The following CARD9 variants were observed in gnomAD, a reference collection of about 807,000 sequenced individuals.
CARD9 encodes the protein caspase recruitment domain-containing protein 9.
Under a neutral mutation model 66.0 loss-of-function variants are expected in CARD9, and 53 were observed. The observed-to-expected ratio is 0.80, with a 90% confidence interval of 0.64 to 1.01. The LOEUF (loss-of-function observed/expected upper bound fraction) is 1.01. Among genes scored for constraint, CARD9 ranks in the 50% least tolerant of loss-of-function variants. The pLI, the probability that CARD9 is intolerant of heterozygous loss-of-function variation, is 0.00. For synonymous variants in CARD9, 387 were observed against 313.8 expected (o/e 1.23, Z -2.47); for missense variants, 769 against 743.2 (o/e 1.03, Z -0.40).
chr9:136,365,384 T>C (rs1833098991), intron 10 of CARD9, 167 bp from the exon 11 acceptor site: 1 of 637,120 alleles, frequency 1.6e-6, no homozygotes, highest in Admixed American at 2.5e-5. Flanking sequence ...GACTGAGGCC[T>C]TATGGCCTCG....
Position 136,363,981 on chromosome 9 carries a change from A to G in CARD9, c.*321T>C, listed in dbSNP as rs1235648720. 1 of 1,174,462 alleles carries G rather than the reference A, an allele frequency of 8.5e-7. No individual in the cohort carries two copies. 72.8% of individuals were successfully genotyped at this position (1,174,462 alleles called of 1,614,324 possible). Reference sequence around the variant, plus strand: ...TGCGGGTCACCCGTGCTGTTTATTTACGCAGCTGTGTTTTCTAACACTAAT... The same window carrying G: ...TGCGGGTCACCCGTGCTGTTTATTTGCGCAGCTGTGTTTTCTAACACTAAT... On this transcript the variant is annotated 3_prime_UTR_variant, in exon 13 of 13. Transcript: ENST00000371732.
rs150234370 is a variant in CARD9 at position 136,370,331 on chromosome 9, C to T, written c.914G>A (p.Arg305His). 106 of 1,608,584 alleles carry T rather than the reference C, an allele frequency of 6.6e-5. 1 individual carries two copies. The highest frequency in any genetic ancestry group is 1.5e-4 in the South Asian group (14 of 90,620). The change falls in exon 6 of 13, where the codon CGC (arginine) becomes CAC (histidine). Residue 305 changes from arginine to histidine, a missense_variant. By Grantham distance (29) the Arg-to-His change is conservative. Transcript: ENST00000371732. The part of the protein sequence containing the change: ...QEQANTIFSL[R>H]KDLRQGEARR... ...GGCCTCGCCCTGGCGGAGGTCCTTG[C>T]GCAGGGAGAAGATGGTGTTGGCCTG... is the stretch of plus-strand genomic sequence containing the variant.
intron 11 of CARD9, 35 bp from the exon 12 acceptor site, chr9:136,364,594 T>C: frequency 6.5e-7 from 1 of 1,528,282 alleles, no homozygotes; most frequent in Non-Finnish European, 8.8e-7. Flanking sequence ...TCCGGCCGGC[T>C]CCCCTGAGGG....
At chr9:136,364,775 C>T (rs1429993599) in intron 11 of CARD9, 1 of 611,116 alleles carries the variant, frequency 1.6e-6, no homozygotes, top group African/African-American at 1.9e-5. Context: ...AAGACACACC[C>T]AGGAGGCCAA....
Position 136,364,161 on chromosome 9 carries a change from G to GTGA in CARD9, c.*140_*141insTCA. 1 of 1,550,534 alleles carries GTGA rather than the reference G, an allele frequency of 6.4e-7. No homozygotes were observed. The highest frequency in any genetic ancestry group is 8.7e-7 in the Non-Finnish European group (1 of 1,146,854). On this transcript the variant is annotated 3_prime_UTR_variant, in exon 13 of 13. Transcript: ENST00000371732. Reference sequence around the variant, plus strand: ...CCCCAATGCCCGGCAGTCCGGCTGGGCCTTTCAGGGCACCAGATTCCTCGT... The same window carrying GTGA: ...CCCCAATGCCCGGCAGTCCGGCTGGGTGACCTTTCAGGGCACCAGATTCCTCGT...
intron 2 of CARD9, 60 bp from the exon 3 acceptor site, chr9:136,371,521 GGT>G: frequency 6.8e-7 from 1 of 1,479,760 alleles, no homozygotes; most frequent in Non-Finnish European, 9.2e-7. Context: ...GGCTGGGGTG[GGT>G]GGGCCTGGGG....
At position 136,370,276 on chromosome 9, in the gene CARD9, C is replaced by G; in HGVS notation, c.951+18G>C. ...GGCTTGGACCCCAGGGGCCATGTCT[C>G]CCCGCCTGCCCTCCTACCCGGAGGC... On this transcript the variant is annotated intron_variant, in intron 6 of 12. Transcript: ENST00000371732. 6.3e-7 allele frequency: 1 copy of G among 1,591,054 alleles called. No individual in the cohort carries two copies. The highest frequency in any genetic ancestry group is 1.1e-5 in the South Asian group (1 of 89,654).
chr9:136,364,620 C>A, intron 11 of CARD9, 61 bp from the exon 12 acceptor site: 3 of 1,488,466 alleles, frequency 2.0e-6, no homozygotes, highest in Non-Finnish European at 2.7e-6. Flanking sequence ...GTCCTTCTCA[C>A]CCGCCCCCCA....
Position 136,367,702 on chromosome 9 carries a change from A to G in CARD9, c.1204T>C (p.Cys402Arg), listed in dbSNP as rs773952828. Residue 402 changes from cysteine to arginine, a missense_variant, in exon 8 of 13, where the codon TGT (cysteine) becomes CGT (arginine). Cys to Arg is a radical substitution (Grantham distance 180). Transcript: ENST00000371732. ...TCCACGGCCAGTAGCTGCGCCTCAC[A>G]CTGGAACACCTGCAGCTGCAGCTCA... is the stretch of plus-strand genomic sequence containing the variant. ...ADELQLQVFQ[C>R]EAQLLAVEGR... is the part of the protein sequence containing the mutation. 37 of 1,603,220 alleles carry G rather than the reference A, an allele frequency of 2.3e-5. No individual in the cohort carries two copies. Among genetic ancestry groups the G allele is most frequent in the Non-Finnish European group, 2.7e-5 (32 of 1,179,010 alleles).
In CARD9 at chr9:136,371,476, G is replaced by T. The variant is rs766262443; in HGVS notation, c.185-15C>A. 5.1e-6 allele frequency: 8 copies of T among 1,567,098 alleles called. No individual in the cohort carries two copies. The highest frequency in any genetic ancestry group is 6.9e-6 in the Non-Finnish European group (8 of 1,154,648). The stretch of plus-strand genomic sequence containing the variant: ...CAGGAGCACACCTGCGGGCCAGAGA[G>T]GCCTAACTGGGGGCGGGGCACAGGC... On this transcript the variant is annotated splice_polypyrimidine_tract_variant and intron_variant, in intron 2 of 12. Transcript: ENST00000371732.
chr9:136,369,974 C>A (rs1833218793), intron 6 of CARD9, 99 bp from the exon 7 acceptor site: 7 of 1,575,372 alleles, frequency 4.4e-6, no homozygotes, highest in African/African-American at 1.3e-5. Context: ...GTGGTCAGGC[C>A]AGTTGGGATG....
Position 136,364,116 on chromosome 9 carries a change from G to T in CARD9, c.*186C>A. ...AGCACCCGCATGGCCTCCGCAAAAT[G>T]AGTGCCGCTTAACAAACGGCCCCAA... On this transcript the variant is annotated 3_prime_UTR_variant, in exon 13 of 13. Coordinates refer to ENST00000371732, the MANE Select transcript of CARD9 (RefSeq NM_052813.5). 6.4e-7 allele frequency: 1 copy of T among 1,550,566 alleles called. No homozygotes were observed.
chr9:136,365,555 C>A (rs1316256743), intron 10 of CARD9: 2 of 374,688 alleles, frequency 5.3e-6, no homozygotes, highest in African/African-American at 4.1e-5. Context: ...CGTCCCCCAT[C>A]ACTCCAAAGC....
At chr9:136,367,279 T>A (rs376550838) in intron 8 of CARD9, 22 bp from the exon 9 acceptor site, 22 of 1,567,174 alleles carry the variant, frequency 1.4e-5, no homozygotes, top group Non-Finnish European at 6.1e-6. Flanking sequence ...GAAAATGGGG[T>A]GGGTGGGCTG....
At position 136,370,955 on chromosome 9, in the gene CARD9, G is replaced by T; in HGVS notation, c.513C>A (p.Gly171=). The T allele has an allele frequency of 5.0e-6, 8 of 1,611,070 alleles. No homozygotes were observed. The highest frequency in any genetic ancestry group is 5.9e-6 in the Non-Finnish European group (7 of 1,179,268). ...CCTTGCAGCGCTTGAGCTCGCGGCT[G>T]CCGGCCTCGCACTCCTCCTTGAGCC... The part of the protein sequence containing the change: ...VQRLKEECEA[G]SRELKRCKEE... Residue 171 remains glycine, a synonymous_variant, in exon 4 of 13, where the codon GGC becomes GGA. Coordinates refer to ENST00000371732, the MANE Select transcript of CARD9 (RefSeq NM_052813.5).
At chr9:136,368,851 G>A (rs544666354) in intron 7 of CARD9, among the ~76,000 whole-genome samples, 2 of 150,854 alleles carry the variant, frequency 1.3e-5, no homozygotes, top group Non-Finnish European at 2.9e-5. Context: ...ACGGAGTCTC[G>A]CTCTGTCACC....
At chr9:136,371,532 G>C in intron 2 of CARD9, 71 bp from the exon 3 acceptor site, 1 of 1,518,826 alleles carries the variant, frequency 6.6e-7, no homozygotes, top group Non-Finnish European at 8.9e-7. Flanking sequence ...GTGGGCCTGG[G>C]GGCAGGGACA....
intron 2 of CARD9, 83 bp downstream of exon 2, chr9:136,371,812 G>A: frequency 6.5e-7 from 1 of 1,537,070 alleles, no homozygotes; most frequent in Non-Finnish European, 8.8e-7. Flanking sequence ...GGGGTTGAGG[G>A]TCAGGGTGGC....
In CARD9 at chr9:136,369,851, C is replaced by T. The variant is rs143669690; in HGVS notation, c.976G>A (p.Glu326Lys). Residue 326 changes from glutamate to lysine, a missense_variant, in exon 7 of 13, where the codon GAG becomes AAG. Glu to Lys is a moderately conservative substitution (Grantham distance 56). Transcript: ENST00000371732. ...LRCMEEKEMF[E>K]LQCLALRKDS... ...TTACGTAGTGCCAGGCACTGCAGCT[C>T]GAACATCTCCTTCTCCTCCATGCAC... 9.3e-6 allele frequency: 15 copies of T among 1,612,634 alleles called. No individual in the cohort carries two copies. In the African/African-American group the frequency reaches 9.3e-5, roughly 10 times the overall value.
Sources: gnomAD v4.1 joint callset for allele counts (sites outside exome capture counted in the v4.1 genomes callset) on GRCh38, gnomAD v4.1.1 for gene constraint, MANE v1.5 for transcripts, NCBI Gene and HGNC (gene_info 2026-07-23, HGNC 2026-07-21) for gene names.